Variants in EPB41L4B observed in about 807,000 individuals in gnomAD.
EPB41L4B encodes erythrocyte membrane protein band 4.1 like 4B, also known as band 4.1-like protein 4B.
EPB41L4B carries 30 observed loss-of-function variants against 112.5 expected under a neutral mutation model. The ratio of observed to expected loss-of-function variants is 0.27; its 90% confidence interval spans 0.20 to 0.36. The LOEUF is 0.36. Among genes scored for constraint, EPB41L4B ranks in the 10% least tolerant of loss-of-function variants. The pLI is 1.00. For missense variants in EPB41L4B, 1,024 were observed against 1,133.3 expected, an observed-to-expected ratio of 0.90 and a Z score of 1.38; for synonymous variants, 408 against 439.7, an observed-to-expected ratio of 0.93 and a Z score of 0.90.
In EPB41L4B at chr9:109,185,590, T is replaced by G; in HGVS notation, c.2317A>C (p.Asn773His). 6.2e-7 allele frequency: 1 copy of G among 1,610,354 alleles called. No individual in the cohort carries two copies. The highest frequency in any genetic ancestry group is 8.5e-7 in the Non-Finnish European group (1 of 1,178,144). The change falls in exon 23 of 26, where the codon AAC becomes CAC. Residue 773 changes from asparagine to histidine, a missense_variant. By Grantham distance (68) the Asn-to-His change is moderately conservative (BLOSUM62 1). Transcript: ENST00000374566. ...EATPLAEPAS[N>H]PHCAHSRCSP... is the part of the protein sequence containing the mutation. ...CAGCGAGAGTGGGCACAGTGGGGGT[T>G]GCTGGCGGGCTCTGCCTGCTCACGA... is the stretch of plus-strand genomic sequence containing the variant.
At chr9:109,255,999 C>T in intron 9 of EPB41L4B, 137 bp downstream of exon 9, 11 of 1,146,870 alleles carry the variant, frequency 9.6e-6, no homozygotes, top group Non-Finnish European at 1.3e-5. Flanking sequence ...GCAACTGCCA[C>T]AGACCCACAA....
At chr9:109,307,856 A>G (rs558986423) in intron 1 of EPB41L4B, among the ~76,000 whole-genome samples, 1 of 152,168 alleles carries the variant, frequency 6.6e-6, no homozygotes, top group Non-Finnish European at 1.5e-5. Flanking sequence ...AGGGGCAAAG[A>G]GGCTCGCTGG....
At chr9:109,301,750 G>A (rs1046591950) in intron 1 of EPB41L4B, among the ~76,000 whole-genome samples, 2 of 152,114 alleles carry the variant, frequency 1.3e-5, no homozygotes, top group Non-Finnish European at 2.9e-5. Flanking sequence ...AAGCTACAAC[G>A]CGTTGAGATA....
chr9:109,320,325 G>T lies in EPB41L4B; in HGVS notation c.122C>A (p.Pro41Gln). ...CGCCGAGGAGGAGGCGGCGGCGGCC[G>T]GGCCCCCCCGTGGCCCCCCATCGCG... ...DERDGGPRGG[P>Q]AAAASSSALP... Residue 41 changes from proline (P) to glutamine (Q), a missense_variant, in exon 1 of 26, where the codon CCG (proline) becomes CAG (glutamine). Transcript: ENST00000374566. The T allele has an allele frequency of 1.0e-6, 1 of 992,858 alleles. No homozygotes were observed. Among genetic ancestry groups the T allele is most frequent in the Non-Finnish European group, 1.2e-6 (1 of 836,306 alleles). The allele number at this position is 992,858 out of a possible 1,614,324, so 61.5% of individuals were successfully genotyped here.
At chr9:109,215,180 C>A (rs1279333026) in intron 16 of EPB41L4B, among the ~76,000 whole-genome samples, 1 of 152,220 alleles carries the variant, frequency 6.6e-6, no homozygotes, top group African/African-American at 2.4e-5. Flanking sequence ...TCTCAATACC[C>A]TCTACCCTAT....
chr9:109,173,423 T>TA lies in EPB41L4B; in HGVS notation c.*1130dup, dbSNP rs1353681184. 5 of 152,416 alleles carry TA rather than the reference T, an allele frequency of 3.3e-5. No individual in the cohort carries two copies. Among genetic ancestry groups the TA allele is most frequent in the Non-Finnish European group, 7.4e-5 (5 of 67,984 alleles). 9.4% of individuals were successfully genotyped at this position (152,416 alleles called of 1,614,324 possible). On this transcript the variant is annotated 3_prime_UTR_variant, in exon 26 of 26. Transcript: ENST00000374566. ...AAAAGAAGGAGCAGTTTTTTTTTTTTACAGACATTCATAGCAGCACTATTT... is the reference window on the plus strand; with the variant it reads ...AAAAGAAGGAGCAGTTTTTTTTTTTTAACAGACATTCATAGCAGCACTATTT...
chr9:109,267,132 T>C (rs570104740), intron 4 of EPB41L4B, among the ~76,000 whole-genome samples: 10 of 152,320 alleles, frequency 6.6e-5, no homozygotes, highest in Admixed American at 3.3e-4. Context: ...AAGATGGCGA[T>C]TAAGGACTGA....
chr9:109,248,513 G>T (rs1007225818), intron 13 of EPB41L4B, among the ~76,000 whole-genome samples: 7 of 152,206 alleles, frequency 4.6e-5, no homozygotes, highest in Non-Finnish European at 8.8e-5. Flanking sequence ...AACATCTGCA[G>T]AATCCTAAAG....
intron 17 of EPB41L4B, among the ~76,000 whole-genome samples, chr9:109,211,706 T>C (rs148718690): frequency 7.3e-6 from 1 of 137,566 alleles, no homozygotes; most frequent in Non-Finnish European, 1.5e-5. Context: ...TGATTACTAA[T>C]GTATTTCTTT....
At chr9:109,267,856 T>C (rs1205105121) in intron 3 of EPB41L4B, among the ~76,000 whole-genome samples, 1 of 152,214 alleles carries the variant, frequency 6.6e-6, no homozygotes, top group African/African-American at 2.4e-5. Context: ...TACTCCAAAC[T>C]GACAGCTAGT....
rs1832560719 is a variant in EPB41L4B at position 109,194,156 on chromosome 9, A to G, written c.2223+64T>C. 6.4e-6 allele frequency: 10 copies of G among 1,551,400 alleles called. No individual in the cohort carries two copies. The African/African-American group carries it at 1.2e-4, about 19-fold the overall frequency. On this transcript the variant is annotated intron_variant, in intron 21 of 25. Transcript: ENST00000374566. ...TAAATACATGCACCAGATGCTACTC[A>G]GTAAATTGATACTGAATTCCCAGCA...
intron 1 of EPB41L4B, among the ~76,000 whole-genome samples, chr9:109,301,781 C>A (rs1836977500): frequency 6.6e-6 from 1 of 152,168 alleles, no homozygotes; most frequent in Non-Finnish European, 1.5e-5. Flanking sequence ...ATAAAAATAA[C>A]CCCAACTGAT....
intron 20 of EPB41L4B, among the ~76,000 whole-genome samples, chr9:109,199,723 C>T (rs965808520): frequency 6.6e-6 from 1 of 152,116 alleles, no homozygotes; most frequent in African/African-American, 2.4e-5. Flanking sequence ...AAAGACTGTG[C>T]CTTTGCCTTG....
intron 6 of EPB41L4B, among the ~76,000 whole-genome samples, chr9:109,261,661 A>T (rs1182973307): frequency 1.3e-5 from 2 of 152,250 alleles, no homozygotes; most frequent in Non-Finnish European, 2.9e-5. Flanking sequence ...TGATCAAAAT[A>T]ACATTTTCAA....
At chr9:109,243,763 T>C in intron 14 of EPB41L4B, 81 bp from the exon 15 acceptor site, 1 of 1,403,930 alleles carries the variant, frequency 7.1e-7, no homozygotes, top group Non-Finnish European at 1.0e-6. Context: ...GTTCCTGGCA[T>C]CCACCCGAGG....
At chr9:109,271,467 GTA>G (rs879364541) in intron 2 of EPB41L4B, among the ~76,000 whole-genome samples, 5 of 152,210 alleles carry the variant, frequency 3.3e-5, no homozygotes, top group Non-Finnish European at 5.9e-5. Flanking sequence ...AACCTATCTT[GTA>G]TCCAACCAGT....
At chr9:109,301,349 T>C (rs1168992870) in intron 1 of EPB41L4B, among the ~76,000 whole-genome samples, 1 of 152,204 alleles carries the variant, frequency 6.6e-6, no homozygotes, top group African/African-American at 2.4e-5. Flanking sequence ...ACCATTAATT[T>C]TTTTATACTT....
intron 2 of EPB41L4B, among the ~76,000 whole-genome samples, chr9:109,269,421 T>C (rs1367483323): frequency 2.6e-5 from 4 of 152,200 alleles, no homozygotes; most frequent in Admixed American, 1.3e-4. Context: ...TTGATACTGC[T>C]GTCCTAAGGA....
Position 109,200,330 on chromosome 9 carries a change from G to T in EPB41L4B, c.1951C>A (p.Pro651Thr). Residue 651 changes from proline (P) to threonine (T), a missense_variant, in exon 20 of 26, where the codon CCT becomes ACT. By Grantham distance (38) the Pro-to-Thr change is conservative (BLOSUM62 -1). Coordinates refer to ENST00000374566, the MANE Select transcript of EPB41L4B (RefSeq NM_019114.5). ...GCAGTTTCCACACGAATAGGAATAG[G>T]ACTTCTAGAGACACACCGAAAAACA... ...SSLQDASVRS[P>T]IPIRVETAQP... The T allele has an allele frequency of 6.2e-7, 1 of 1,613,540 alleles. No individual in the cohort carries two copies. The highest frequency in any genetic ancestry group is 8.5e-7 in the Non-Finnish European group (1 of 1,179,536).
Sources: allele counts gnomAD v4.1 joint callset (sites outside exome capture counted in the v4.1 genomes callset), GRCh38; gene constraint gnomAD v4.1.1; transcripts MANE v1.5; gene names NCBI Gene and HGNC (gene_info 2026-07-23, HGNC 2026-07-21).